The following H3-3A variants were observed in gnomAD, a reference collection of about 807,000 sequenced individuals.
H3-3A encodes H3.3 histone A.
For synonymous variants in H3-3A, 49 were observed against 61.4 expected, an observed-to-expected ratio of 0.80 and a Z score of 0.95; for missense variants, 7 against 184.0, an observed-to-expected ratio of 0.04 and a Z score of 5.57.
At chr1:226,065,635 T>G (rs1303263074) in intron 2 of H3-3A, 21 bp from the exon 3 acceptor site, 3 of 1,519,660 alleles carry the variant, frequency 2.0e-6, no homozygotes, top group Non-Finnish European at 2.7e-6. Flanking sequence ...TGGTAACAGT[T>G]TCTTTATTAA....
chr1:226,064,511 GTC>G (rs751837333), intron 2 of H3-3A, 32 bp downstream of exon 2: 7 of 1,588,834 alleles, frequency 4.4e-6, no homozygotes, highest in Admixed American at 1.7e-5. Context: ...ATGGGACAAA[GTC>G]TCTCTTGTAT....
In H3-3A at chr1:226,069,711, A is replaced by G. The variant is rs192860670; in HGVS notation, c.283-1640A>G. ...CTGGACGTGATGGTGCATGCCTGTA[A>G]TCCCAGCTACTCGGGAGGCTGAGGC... On this transcript the variant is annotated intron_variant, in intron 3 of 3. Coordinates refer to ENST00000366815, the MANE Select transcript of H3-3A (RefSeq NM_002107.7). Among the ~76,000 whole-genome samples the G allele has an allele frequency of 2.2e-4, 33 of 152,220 alleles. 1 individual carries two copies. The highest frequency in any genetic ancestry group is 2.1e-3 in the Admixed American group (32 of 15,284).
intron 3 of H3-3A, among the ~76,000 whole-genome samples, chr1:226,070,171 G>A (rs1345120787): frequency 1.3e-5 from 2 of 152,100 alleles, no homozygotes; most frequent in Non-Finnish European, 2.9e-5. Flanking sequence ...CCGGGGCATA[G>A]ATCAAAGTAT....
intron 3 of H3-3A, chr1:226,067,016 TTC>T (rs1419379302): frequency 2.6e-5 from 4 of 152,240 alleles, no homozygotes; most frequent in Non-Finnish European, 5.9e-5. Flanking sequence ...AAACTTTATT[TTC>T]TGTTTTAATA....
upstream of H3-3A, chr1:226,061,865 C>G (rs1411579715): frequency 7.2e-5 from 11 of 152,280 alleles, no homozygotes; most frequent in East Asian, 1.7e-3. Flanking sequence ...ACACAGCCAT[C>G]TTGCGTCGGG....
At chr1:226,066,199 A>G (rs896582842) in intron 3 of H3-3A, 1 of 269,460 alleles carries the variant, frequency 3.7e-6, no homozygotes, top group Non-Finnish European at 7.0e-6. Context: ...AATAAAAGAA[A>G]TGTCTCTTCA....
At chr1:226,067,980 A>T (rs1558102330) in intron 3 of H3-3A, among the ~76,000 whole-genome samples, 2 of 152,192 alleles carry the variant, frequency 1.3e-5, no homozygotes, top group Non-Finnish European at 2.9e-5. Context: ...AATGTCTGAG[A>T]ACTTGAACTC....
intron 3 of H3-3A, among the ~76,000 whole-genome samples, chr1:226,067,444 A>G (rs978619665): frequency 1.3e-5 from 2 of 152,160 alleles, no homozygotes; most frequent in Non-Finnish European, 2.9e-5. Context: ...TTATCTTAAA[A>G]ATACAGAGAG....
intron 3 of H3-3A, chr1:226,067,214 A>G (rs888418030): frequency 2.6e-5 from 4 of 152,200 alleles, no homozygotes; most frequent in African/African-American, 9.7e-5. Context: ...AATTTACTAA[A>G]CAATCTGGGT....
chr1:226,064,646 A>G (rs1472608450), intron 2 of H3-3A, among the ~76,000 whole-genome samples, 167 bp downstream of exon 2: 2 of 152,330 alleles, frequency 1.3e-5, no homozygotes, highest in Admixed American at 6.5e-5. Context: ...TCATTTATAT[A>G]TAAAGTTAAG....
At chr1:226,070,666 G>A (rs750336621) in intron 3 of H3-3A, among the ~76,000 whole-genome samples, 1 of 152,004 alleles carries the variant, frequency 6.6e-6, no homozygotes, top group Non-Finnish European at 1.5e-5. Context: ...CCAGCTACTC[G>A]GGAGGCTGAG....
chr1:226,067,761 A>C (rs1487069037), intron 3 of H3-3A, among the ~76,000 whole-genome samples: 6 of 151,598 alleles, frequency 4.0e-5, no homozygotes, highest in Non-Finnish European at 5.9e-5. Context: ...AAAAAAAGAT[A>C]ACAGAGGGAG....
intron 2 of H3-3A, among the ~76,000 whole-genome samples, chr1:226,065,266 T>C (rs1332419776): frequency 6.6e-6 from 1 of 152,186 alleles, no homozygotes; most frequent in Non-Finnish European, 1.5e-5. Flanking sequence ...TTGGGTTGTG[T>C]TGGTCATCTT....
chr1:226,067,448 CAG>C (rs555677441), intron 3 of H3-3A, among the ~76,000 whole-genome samples: 40 of 152,114 alleles, frequency 2.6e-4, no homozygotes, highest in South Asian at 8.3e-4. Flanking sequence ...CTTAAAAATA[CAG>C]AGAGTGGGCC....
chr1:226,071,539 T>G lies in H3-3A; in HGVS notation c.*60T>G. The G allele has an allele frequency of 3.8e-6, 3 of 785,108 alleles. No homozygotes were observed. Among genetic ancestry groups the G allele is most frequent in the East Asian group, 2.7e-5 (1 of 36,976 alleles). The allele number at this position is 785,108 out of a possible 1,614,324, so 48.6% of individuals were successfully genotyped here. ...AAAAAAAAAAAAAAATTTCTCTTCT[T>G]CCTGTTATTGGTAGTTCTGAACGTT... On this transcript the variant is annotated 3_prime_UTR_variant, in exon 4 of 4. Coordinates refer to ENST00000366815, the MANE Select transcript of H3-3A (RefSeq NM_002107.7).
chr1:226,063,462 TA>T (rs769406330), intron 1 of H3-3A, among the ~76,000 whole-genome samples: 20 of 151,924 alleles, frequency 1.3e-4, no homozygotes, highest in Non-Finnish European at 2.1e-4. Context: ...TGGCAGGGGA[TA>T]GGGGTATTTT....
intron 3 of H3-3A, chr1:226,066,449 A>G (rs931146918): frequency 1.3e-5 from 2 of 152,244 alleles, no homozygotes; most frequent in African/African-American, 4.8e-5. Context: ...ATTGAATTTA[A>G]TCTTAATCTC....
intron 3 of H3-3A, chr1:226,067,280 A>G (rs1216033606): frequency 1.3e-5 from 2 of 152,166 alleles, no homozygotes; most frequent in Non-Finnish European, 2.9e-5. Flanking sequence ...TTACTATTAC[A>G]TATTTGTCAT....
chr1:226,064,623 ATG>A (rs1171350743), intron 2 of H3-3A, 144 bp downstream of exon 2: 2 of 613,290 alleles, frequency 3.3e-6, no homozygotes, highest in Non-Finnish European at 5.8e-6. Flanking sequence ...GCTTAAATAA[ATG>A]TACTGTATGA....
Sources: allele counts gnomAD v4.1 joint callset (sites outside exome capture counted in the v4.1 genomes callset), GRCh38; gene constraint gnomAD v4.1.1; transcripts MANE v1.5; gene names NCBI Gene and HGNC (gene_info 2026-07-23, HGNC 2026-07-21).